CCDC7: variants seen among roughly 807,000 people sequenced by gnomAD.
The protein encoded by CCDC7 is coiled-coil domain containing 7, also known as coiled-coil domain-containing protein 7.
A neutral mutation model predicts 196.9 loss-of-function variants in CCDC7; 183 were observed. The ratio of observed to expected loss-of-function variants is 0.93; its 90% confidence interval spans 0.82 to 1.05. The LOEUF is 1.05. Among genes scored for constraint, CCDC7 ranks in the 50% least tolerant of loss-of-function variants. The pLI is 0.00. For missense variants in CCDC7, 1,540 were observed against 1,482.2 expected, an observed-to-expected ratio of 1.04 and a Z score of -0.64; for synonymous variants, 525 against 484.6, an observed-to-expected ratio of 1.08 and a Z score of -1.10.
intron 20 of CCDC7, among the ~76,000 whole-genome samples, chr10:32,661,047 A>T (rs1470486390): frequency 3.5e-5 from 5 of 143,492 alleles, no homozygotes; most frequent in Non-Finnish European, 7.7e-5. Context: ...CAACCTACAA[A>T]ATGGGAGAAA....
upstream of CCDC7, among the ~76,000 whole-genome samples, chr10:32,448,966 T>C (rs2032217483): frequency 6.6e-6 from 1 of 152,114 alleles, no homozygotes; most frequent in African/African-American, 2.4e-5. Flanking sequence ...CTGATTTTAT[T>C]CTTTGCATCA....
At chr10:32,789,860 G>A (rs1358828961) in intron 29 of CCDC7, among the ~76,000 whole-genome samples, 1 of 152,198 alleles carries the variant, frequency 6.6e-6, no homozygotes, top group Admixed American at 6.5e-5. Context: ...AATAGGCATT[G>A]CCATCCCAAA....
intron 9 of CCDC7, among the ~76,000 whole-genome samples, chr10:32,492,912 T>G (rs984134148): frequency 2.0e-5 from 3 of 152,158 alleles, no homozygotes; most frequent in African/African-American, 7.2e-5. Context: ...TTTTTTCACC[T>G]GTAAACTCAT....
At chr10:32,832,546 G>T (rs1258611321) in intron 32 of CCDC7, among the ~76,000 whole-genome samples, 1 of 151,778 alleles carries the variant, frequency 6.6e-6, no homozygotes, top group Non-Finnish European at 1.5e-5. Flanking sequence ...AGGGCTGCAA[G>T]AAAAAAATAT....
At chr10:32,663,264 A>G (rs896323274) in intron 20 of CCDC7, among the ~76,000 whole-genome samples, 5 of 152,280 alleles carry the variant, frequency 3.3e-5, no homozygotes, top group Non-Finnish European at 5.9e-5. Flanking sequence ...AGGACTCTAC[A>G]TACTTTTTCA....
At chr10:32,567,002 A>ATG (rs66966696) in intron 14 of CCDC7, among the ~76,000 whole-genome samples, 1 of 133,310 alleles carries the variant, frequency 7.5e-6, no homozygotes, top group Non-Finnish European at 1.7e-5. Context: ...ATAAAAAAAT[A>ATG]TCTTTGTGTA....
In CCDC7 at chr10:32,700,643, G is replaced by A. The variant is rs1565194086; in HGVS notation, c.2458+5651G>A. 2.0e-5 allele frequency among the ~76,000 whole-genome samples: 3 copies of A among 152,112 alleles called. No individual in the cohort carries two copies. In the South Asian group the frequency reaches 6.2e-4, roughly 31 times the overall value. On this transcript the variant is annotated intron_variant, in intron 24 of 41. Transcript: ENST00000639629. ...GGCATTGAATCTATAAATTACCTTG[G>A]GGAATATGGCCATTTTCACGATATT...
intron 21 of CCDC7, among the ~76,000 whole-genome samples, chr10:32,670,548 C>G (rs569434785): frequency 2.3e-4 from 29 of 123,844 alleles, no homozygotes; most frequent in African/African-American, 8.7e-4. Context: ...CCCCTCCCCC[C>G]ACCCCACAAC....
chr10:32,739,476 T>TC (rs2085442840), intron 28 of CCDC7, among the ~76,000 whole-genome samples: 1 of 152,106 alleles, frequency 6.6e-6, no homozygotes, highest in African/African-American at 2.4e-5. Flanking sequence ...TTCCTTTTTT[T>TC]CTTAGTTTTT....
intron 9 of CCDC7, among the ~76,000 whole-genome samples, chr10:32,516,939 T>C (rs2047116338): frequency 6.6e-6 from 1 of 152,108 alleles, no homozygotes; most frequent in South Asian, 2.1e-4. Context: ...GTTGGATAAA[T>C]AAAATGTGGG....
intron 5 of CCDC7, among the ~76,000 whole-genome samples, chr10:32,463,448 A>G (rs2036155689): frequency 2.6e-5 from 4 of 152,226 alleles, no homozygotes; most frequent in Admixed American, 2.6e-4. Context: ...GATTTTCTAT[A>G]GATGAAATAT....
Position 32,584,554 on chromosome 10 carries a change from G to A in CCDC7, c.1801+250G>A, listed in dbSNP as rs574087885. Among the ~76,000 whole-genome samples, 7 of 151,428 alleles carry A rather than the reference G, an allele frequency of 4.6e-5. No individual in the cohort carries two copies. In the East Asian group the frequency reaches 9.7e-4, roughly 21 times the overall value. On this transcript the variant is annotated intron_variant, in intron 18 of 41. Coordinates refer to ENST00000639629, the Ensembl canonical transcript of CCDC7. ...GGGTGGATCACGAGGTCAGGAGTTC[G>A]AGCCCAGCCTAACCAACATGATGAA...
intron 28 of CCDC7, among the ~76,000 whole-genome samples, chr10:32,744,878 A>G (rs575777665): frequency 3.8e-4 from 58 of 152,152 alleles, no homozygotes; most frequent in Non-Finnish European, 7.1e-4. Context: ...TATTTTGTCT[A>G]TAAAGTCATC....
chr10:32,547,843 ATGAG>A (rs2052732418), intron 13 of CCDC7, among the ~76,000 whole-genome samples: 1 of 152,124 alleles, frequency 6.6e-6, no homozygotes, highest in Admixed American at 6.6e-5. Flanking sequence ...ATTTGGTTAC[ATGAG>A]TAAGTTCTTT....
intron 9 of CCDC7, among the ~76,000 whole-genome samples, chr10:32,497,112 A>G (rs1476285508): frequency 6.6e-6 from 1 of 152,104 alleles, no homozygotes; most frequent in Non-Finnish European, 1.5e-5. Context: ...TTCCTGGTTT[A>G]GTCTTGGGAG....
intron 11 of CCDC7, among the ~76,000 whole-genome samples, chr10:32,534,521 C>T (rs1317515921): frequency 1.3e-5 from 2 of 151,710 alleles, no homozygotes; most frequent in African/African-American, 2.4e-5. Flanking sequence ...CCCATTTTCT[C>T]GTTCTGGAAA....
intron 23 of CCDC7, among the ~76,000 whole-genome samples, chr10:32,694,393 C>T (rs549528956): frequency 3.5e-4 from 54 of 152,288 alleles, no homozygotes; most frequent in Non-Finnish European, 5.9e-4. Flanking sequence ...AATTTGCCTA[C>T]GGCAAAATGG....
chr10:32,459,492 T>C (rs533238428), intron 3 of CCDC7, among the ~76,000 whole-genome samples: 3 of 151,994 alleles, frequency 2.0e-5, no homozygotes, highest in African/African-American at 7.3e-5. Context: ...AAGGAAGGGG[T>C]GGGGCAAGAC....
chr10:32,663,092 G>A (rs759126299), intron 20 of CCDC7, among the ~76,000 whole-genome samples: 1 of 152,138 alleles, frequency 6.6e-6, no homozygotes, highest in African/African-American at 2.4e-5. Flanking sequence ...CTTGGGCAAA[G>A]TGGCCATGGA....
Sources: allele counts gnomAD v4.1 joint callset (sites outside exome capture counted in the v4.1 genomes callset), GRCh38; gene constraint gnomAD v4.1.1; transcripts MANE v1.5; gene names NCBI Gene and HGNC (gene_info 2026-07-23, HGNC 2026-07-21).